ELP4: variants seen among roughly 807,000 people sequenced by gnomAD.
ELP4 encodes elongator acetyltransferase complex subunit 4, also known as elongator complex protein 4.
Under a neutral mutation model 48.9 loss-of-function variants are expected in ELP4, and 51 were observed. The ratio of observed to expected loss-of-function variants is 1.04; its 90% CI spans 0.83 to 1.32. ELP4 has a LOEUF of 1.32. Ranked by LOEUF, ELP4 falls within the 40% of genes most tolerant of loss-of-function variation. ELP4 has a pLI of 0.00. For synonymous variants in ELP4, 210 were observed against 189.2 expected (o/e 1.11, Z -0.90); for missense variants, 519 against 514.6 (o/e 1.01, Z -0.08).
intron 3 of ELP4, among the ~76,000 whole-genome samples, chr11:31,584,161 G>A (rs1157980590): frequency 1.3e-5 from 2 of 151,918 alleles, no homozygotes; most frequent in Non-Finnish European, 2.9e-5. Flanking sequence ...AAAACAAATA[G>A]ATTTTGCAAG....
chr11:31,762,478 C>G (rs1947963921), intron 9 of ELP4, among the ~76,000 whole-genome samples: 1 of 151,958 alleles, frequency 6.6e-6, no homozygotes, highest in Non-Finnish European at 1.5e-5. Flanking sequence ...AACCTTTAGA[C>G]TTCAAAAATA....
chr11:31,560,422 T>G (rs1956998958), intron 3 of ELP4, among the ~76,000 whole-genome samples: 1 of 151,926 alleles, frequency 6.6e-6, no homozygotes, highest in Non-Finnish European at 1.5e-5. Flanking sequence ...CTTTTAATAC[T>G]TAAAAGAATT....
intron 5 of ELP4, among the ~76,000 whole-genome samples, chr11:31,608,011 G>A (rs187794575): frequency 6.7e-6 from 1 of 150,188 alleles, no homozygotes; most frequent in East Asian, 2.0e-4. Context: ...AGTCTAGTTG[G>A]TTTTGGAGGT....
intron 5 of ELP4, among the ~76,000 whole-genome samples, chr11:31,626,308 A>T (rs778406388): frequency 2.0e-5 from 3 of 151,844 alleles, no homozygotes; most frequent in Non-Finnish European, 2.9e-5. Flanking sequence ...CACAGCTTTT[A>T]CAGCATTAGG....
chr11:31,746,906 T>A (rs180813376), intron 9 of ELP4, among the ~76,000 whole-genome samples: 152 of 145,352 alleles, frequency 1.0e-3, no homozygotes, highest in African/African-American at 3.7e-3. Context: ...ATAATTTTTT[T>A]AAAAAGTGAA....
chr11:31,775,076 C>G (rs1373678523), intron 9 of ELP4, among the ~76,000 whole-genome samples: 7 of 152,166 alleles, frequency 4.6e-5, no homozygotes, highest in Non-Finnish European at 7.3e-5. Flanking sequence ...TTAGATTCAT[C>G]CCTAACATTC....
Position 31,546,496 on chromosome 11 carries a change from T to A in ELP4, c.381+6713T>A, listed in dbSNP as rs1046476971. Among the ~76,000 whole-genome samples the A allele has an allele frequency of 7.2e-5, 11 of 152,188 alleles. No homozygotes were observed. The South Asian group carries it at 1.7e-3, about 23-fold the overall frequency. On this transcript the variant is annotated intron_variant, in intron 3 of 9. Transcript: ENST00000640961. ...CCAGATTCATAAAGCAAGTCCTTAG[T>A]GACCTACAAAGAGACTTAGACTCCC...
intron 9 of ELP4, among the ~76,000 whole-genome samples, chr11:31,674,972 G>A (rs556209772): frequency 1.3e-5 from 2 of 152,214 alleles, no homozygotes; most frequent in African/African-American, 4.8e-5. Flanking sequence ...TGTAAAGTGT[G>A]CGCATGTTTG....
intron 3 of ELP4, among the ~76,000 whole-genome samples, chr11:31,580,025 C>T (rs917202479): frequency 6.6e-5 from 10 of 152,000 alleles, no homozygotes; most frequent in African/African-American, 2.4e-4. Flanking sequence ...GCAATATGCC[C>T]CTTCACTTTG....
intron 9 of ELP4, among the ~76,000 whole-genome samples, chr11:31,715,792 T>A (rs1490968414): frequency 6.6e-6 from 1 of 152,198 alleles, no homozygotes; most frequent in Non-Finnish European, 1.5e-5. Context: ...CATTGGGTTG[T>A]TACAAAGAGT....
intron 3 of ELP4, among the ~76,000 whole-genome samples, chr11:31,569,606 A>C (rs1957163699): frequency 6.6e-6 from 1 of 152,122 alleles, no homozygotes; most frequent in Non-Finnish European, 1.5e-5. Flanking sequence ...GCATCCTGTA[A>C]TCACAGCTAT....
Position 31,509,907 on chromosome 11 carries a change from C to T in ELP4, c.123C>T (p.Asp41=). The T allele has an allele frequency of 6.2e-7, 1 of 1,614,050 alleles. No homozygotes were observed. Among genetic ancestry groups the T allele is most frequent in the Non-Finnish European group, 8.5e-7 (1 of 1,180,038 alleles). ...GTCCTAGAGCCAGCGTGACCAACGA[C>T]AGCGGCCCTCGACTGGTGTCCATTG... The part of the protein sequence containing the change: ...RRGPRASVTN[D]SGPRLVSIAG... The change falls in exon 1 of 10, where the codon GAC becomes GAT. Residue 41 remains aspartate, a synonymous_variant. Coordinates refer to ENST00000640961, the MANE Select transcript of ELP4 (RefSeq NM_019040.5).
intron 9 of ELP4, among the ~76,000 whole-genome samples, chr11:31,680,207 C>G (rs1013391311): frequency 6.6e-6 from 1 of 152,140 alleles, no homozygotes; most frequent in African/African-American, 2.4e-5. Flanking sequence ...CTTCCAAGTT[C>G]ATTACATGCA....
At chr11:31,635,000 A>G (rs899492342) in intron 7 of ELP4, among the ~76,000 whole-genome samples, 6 of 151,962 alleles carry the variant, frequency 3.9e-5, no homozygotes, top group Non-Finnish European at 7.4e-5. Flanking sequence ...CCTAATACCA[A>G]TTGAGTTATA....
chr11:31,696,025 AT>A (rs1169037050), intron 9 of ELP4, among the ~76,000 whole-genome samples: 3 of 151,734 alleles, frequency 2.0e-5, no homozygotes, highest in East Asian at 1.9e-4. Context: ...CCCCTTTATC[AT>A]TTTTTATTGC....
chr11:31,783,590 T>A lies in ELP4; in HGVS notation c.*66T>A. ...TCTAATTATGATTGCTAATAGCTTA[T>A]GTAAATATTTTTCTTAACAATTTGA... On this transcript the variant is annotated 3_prime_UTR_variant, in exon 10 of 10. Coordinates refer to ENST00000640961, the MANE Select transcript of ELP4 (RefSeq NM_019040.5). 1 of 1,462,144 alleles carries A rather than the reference T, an allele frequency of 6.8e-7. No homozygotes were observed. The highest frequency in any genetic ancestry group is 9.3e-7 in the Non-Finnish European group (1 of 1,076,906). 90.6% of individuals were successfully genotyped at this position (1,462,144 alleles called of 1,614,324 possible). A position where few individuals can be genotyped will look rare whatever the true frequency, so the allele number is the denominator to read the frequency against.
At chr11:31,698,483 A>G (rs2157277) in intron 9 of ELP4, among the ~76,000 whole-genome samples, 92,127 of 151,886 alleles carry the variant, frequency 0.61, 31,632 homozygotes, top group Non-Finnish European at 0.76. Flanking sequence ...TGAGATCTCT[A>G]CTCACTGCAA....
chr11:31,515,500 TAAAAA>T (rs954161499), intron 1 of ELP4, among the ~76,000 whole-genome samples: 14 of 151,844 alleles, frequency 9.2e-5, no homozygotes, highest in African/African-American at 2.2e-4. Context: ...ATCAAAGAAT[TAAAAA>T]AGAAAAAGAA....
chr11:31,519,460 CAGTT>C (rs1167851472), intron 1 of ELP4, among the ~76,000 whole-genome samples: 1 of 152,060 alleles, frequency 6.6e-6, no homozygotes, highest in Non-Finnish European at 1.5e-5. Context: ...TCCTTAACCA[CAGTT>C]AGGTTGAATG....
Sources: gnomAD v4.1 joint callset for allele counts (sites outside exome capture counted in the v4.1 genomes callset) on GRCh38, gnomAD v4.1.1 for gene constraint, MANE v1.5 for transcripts, NCBI Gene and HGNC (gene_info 2026-07-23, HGNC 2026-07-21) for gene names.